STEAP1B: variants seen among roughly 807,000 people sequenced by gnomAD.
The protein encoded by STEAP1B is STEAP family protein MGC87042.
STEAP1B carries 13 observed loss-of-function variants against 27.9 expected under a neutral mutation model. That is an observed-to-expected ratio of 0.47 (90% CI 0.30 to 0.74). The LOEUF is 0.74. STEAP1B is among the 30% of genes least tolerant of loss of function. The pLI, the probability that STEAP1B is intolerant of heterozygous loss-of-function variation, is 0.06. For synonymous variants in STEAP1B, 86 were observed against 107.1 expected, an observed-to-expected ratio of 0.80 and a Z score of 1.22; for missense variants, 250 against 298.7, an observed-to-expected ratio of 0.84 and a Z score of 1.20.
chr7:22,419,626 G>C lies in STEAP1B; in HGVS notation c.*178C>G. The C allele has an allele frequency of 1.8e-6, 1 of 554,924 alleles. No homozygotes were observed. Among genetic ancestry groups the C allele is most frequent in the African/African-American group, 1.9e-5 (1 of 52,386 alleles). The allele number at this position is 554,924 out of a possible 1,614,324, so 34.4% of individuals were successfully genotyped here. Reference sequence around the variant, plus strand: ...TTTTTGTTTGCTCTCTCATGAGTCCGCTGGGGGATCCACTCATCTGCCCTG... The same window carrying C: ...TTTTTGTTTGCTCTCTCATGAGTCCCCTGGGGGATCCACTCATCTGCCCTG... On this transcript the variant is annotated 3_prime_UTR_variant, in exon 5 of 5. Transcript: ENST00000678116.
intron 4 of STEAP1B, among the ~76,000 whole-genome samples, chr7:22,471,306 A>C (rs1785879617): frequency 6.6e-6 from 1 of 152,212 alleles, no homozygotes; most frequent in South Asian, 2.1e-4. Flanking sequence ...TCACTCACTC[A>C]AGAGTTGCAA....
chr7:22,461,534 A>G (rs1785678791), intron 4 of STEAP1B, among the ~76,000 whole-genome samples: 2 of 152,126 alleles, frequency 1.3e-5, no homozygotes, highest in Non-Finnish European at 2.9e-5. Flanking sequence ...AAGTGCTGGG[A>G]TTATAGGCGT....
intron 4 of STEAP1B, among the ~76,000 whole-genome samples, chr7:22,423,888 G>C (rs1337944729): frequency 6.6e-6 from 1 of 152,138 alleles, no homozygotes; most frequent in East Asian, 1.9e-4. Context: ...AATTAGCTGG[G>C]TGTGGTGGCA....
intron 4 of STEAP1B, among the ~76,000 whole-genome samples, chr7:22,439,493 T>C (rs1785299948): frequency 6.6e-6 from 1 of 152,154 alleles, no homozygotes. Flanking sequence ...TATTCTCAGG[T>C]AAAACGTCTG....
At chr7:22,475,151 A>C (rs1009304236) in intron 4 of STEAP1B, among the ~76,000 whole-genome samples, 1 of 152,078 alleles carries the variant, frequency 6.6e-6, no homozygotes, top group African/African-American at 2.4e-5. Context: ...CCCACCTAAA[A>C]ATGTCACTGC....
chr7:22,434,317 G>A (rs1335827162), intron 4 of STEAP1B, among the ~76,000 whole-genome samples: 2 of 152,076 alleles, frequency 1.3e-5, no homozygotes, highest in African/African-American at 4.8e-5. Flanking sequence ...GCTGTCTCCC[G>A]CCAACTCCAC....
intron 4 of STEAP1B, among the ~76,000 whole-genome samples, chr7:22,445,304 T>C (rs1355781967): frequency 9.9e-5 from 15 of 152,234 alleles, no homozygotes; most frequent in Admixed American, 9.8e-4. Context: ...GACCTTCATG[T>C]CTTCCTCCTG....
At chr7:22,448,191 T>C (rs1785435698) in intron 4 of STEAP1B, among the ~76,000 whole-genome samples, 1 of 152,202 alleles carries the variant, frequency 6.6e-6, no homozygotes, top group Non-Finnish European at 1.5e-5. Flanking sequence ...CAAGTTTCCC[T>C]TCCCGTGTTA....
At chr7:22,489,884 T>C (rs1178980003) in intron 4 of STEAP1B, among the ~76,000 whole-genome samples, 1 of 152,238 alleles carries the variant, frequency 6.6e-6, no homozygotes, top group Non-Finnish European at 1.5e-5. Flanking sequence ...TGATTCCTCC[T>C]ATCCGTATAT....
chr7:22,425,718 T>G (rs1363032736), intron 4 of STEAP1B, among the ~76,000 whole-genome samples: 1 of 152,218 alleles, frequency 6.6e-6, no homozygotes, highest in Non-Finnish European at 1.5e-5. Flanking sequence ...CCACCCAAGG[T>G]GCAGCCTAAA....
At chr7:22,429,285 T>C (rs745559836) in intron 4 of STEAP1B, among the ~76,000 whole-genome samples, 4 of 152,122 alleles carry the variant, frequency 2.6e-5, no homozygotes, top group Admixed American at 6.5e-5. Flanking sequence ...GTCCAACAAC[T>C]ACAACAACAA....
At position 22,490,946 on chromosome 7, in the gene STEAP1B, A is replaced by G. The variant is rs546195669; in HGVS notation, c.762+1619T>C. Among the ~76,000 whole-genome samples the G allele has an allele frequency of 2.0e-5, 3 of 152,248 alleles. No individual in the cohort carries two copies. In the South Asian group the frequency reaches 6.2e-4, roughly 32 times the overall value. ...GCTGACTATGCTTCAGTTCAAACAA[A>G]CTCCTTTAAGAGCAAAATAGCAGTA... On this transcript the variant is annotated intron_variant, in intron 4 of 4. Transcript: ENST00000678116.
At chr7:22,480,200 C>A (rs1435125113) in intron 4 of STEAP1B, among the ~76,000 whole-genome samples, 5 of 152,162 alleles carry the variant, frequency 3.3e-5, no homozygotes, top group African/African-American at 1.2e-4. Flanking sequence ...AAGAACAAAC[C>A]TTATCCTGTT....
At chr7:22,483,795 C>A (rs1786127526) in intron 4 of STEAP1B, among the ~76,000 whole-genome samples, 1 of 152,140 alleles carries the variant, frequency 6.6e-6, no homozygotes, top group East Asian at 1.9e-4. Flanking sequence ...GGCAGAGAGA[C>A]ACGAAATGGC....
At position 22,454,791 on chromosome 7, in the gene STEAP1B, C is replaced by T. The variant is rs552683487; in HGVS notation, c.763-34955G>A. Among the ~76,000 whole-genome samples the T allele has an allele frequency of 3.6e-5, 4 of 112,146 alleles. No individual in the cohort carries two copies. The South Asian group carries it at 1.2e-3, about 34-fold the overall frequency. The allele number at this position is 112,146 out of a possible 152,430, so 73.6% of individuals were successfully genotyped here. On this transcript the variant is annotated intron_variant, in intron 4 of 4. Transcript: ENST00000678116. ...TGCAATGTCTCATCAGCAACCTCACCTGACCAAGCTTCAGTACCAACTGGC... is the reference window on the plus strand; with the variant it reads ...TGCAATGTCTCATCAGCAACCTCACTTGACCAAGCTTCAGTACCAACTGGC...
intron 4 of STEAP1B, among the ~76,000 whole-genome samples, chr7:22,473,564 T>C (rs1399953942): frequency 6.6e-6 from 1 of 152,232 alleles, no homozygotes; most frequent in Non-Finnish European, 1.5e-5. Flanking sequence ...GAGACATTTA[T>C]TTAGGAGACA....
chr7:22,450,783 T>C (rs1212007648), intron 4 of STEAP1B, among the ~76,000 whole-genome samples: 1 of 152,200 alleles, frequency 6.6e-6, no homozygotes, highest in Admixed American at 6.5e-5. Context: ...TCCATGAACA[T>C]TGAATATTTT....
At chr7:22,449,255 A>G (rs1785450866) in intron 4 of STEAP1B, among the ~76,000 whole-genome samples, 1 of 152,034 alleles carries the variant, frequency 6.6e-6, no homozygotes, top group Non-Finnish European at 1.5e-5. Context: ...TTTTTATTGT[A>G]CCCATTAACC....
Position 22,466,247 on chromosome 7 carries a change from G to T in STEAP1B, c.762+26318C>A, listed in dbSNP as rs543257303. ...TACCTTTCCAACTTTTAGGTTCAGGGGATAGATGTTCAGATTTGTTACATG... is the reference window on the plus strand; with the variant it reads ...TACCTTTCCAACTTTTAGGTTCAGGTGATAGATGTTCAGATTTGTTACATG... On this transcript the variant is annotated intron_variant, in intron 4 of 4. Coordinates refer to ENST00000678116, the MANE Select transcript of STEAP1B (RefSeq NM_001382447.1). 2.0e-5 allele frequency among the ~76,000 whole-genome samples: 3 copies of T among 152,148 alleles called. No individual in the cohort carries two copies. The South Asian group carries it at 6.2e-4, about 32-fold the overall frequency.
Sources: allele counts gnomAD v4.1 joint callset (sites outside exome capture counted in the v4.1 genomes callset), GRCh38; gene constraint gnomAD v4.1.1; transcripts MANE v1.5; gene names NCBI Gene and HGNC (gene_info 2026-07-23, HGNC 2026-07-21).